DSE: variants seen among roughly 807,000 people sequenced by gnomAD.
DSE encodes the protein dermatan sulfate epimerase, also known as dermatan-sulfate epimerase.
DSE carries 36 observed loss-of-function variants against 84.4 expected under a neutral mutation model. That is an observed-to-expected ratio of 0.43 (90% CI 0.33 to 0.56). The LOEUF (loss-of-function observed/expected upper bound fraction) is 0.56. DSE is among the 20% of genes least tolerant of loss of function. The probability of loss-of-function intolerance (pLI) is 0.06; values close to 1 mark genes in which losing one functional copy is unlikely to be tolerated. For synonymous variants in DSE, 410 were observed against 430.1 expected (o/e 0.95, Z 0.58); for missense variants, 862 against 1,169.6 (o/e 0.74, Z 3.84).
In DSE at chr6:116,441,795, CAGTTG is replaced by C. The variant is rs1784435017; in HGVS notation, c.*4455_*4459del. ...TAAATGGAAGTCCCACAGCACTTTTCAGTTGAGTTAACAAATAACGAATGACAATA... is the reference window on the plus strand; with the variant it reads ...TAAATGGAAGTCCCACAGCACTTTTCAGTTAACAAATAACGAATGACAATA... On this transcript the variant is annotated 3_prime_UTR_variant, in exon 6 of 6. Transcript: ENST00000644252. The C allele has an allele frequency of 6.6e-6, 1 of 152,200 alleles. No individual in the cohort carries two copies. Among genetic ancestry groups the C allele is most frequent in the Non-Finnish European group, 1.5e-5 (1 of 68,036 alleles). The allele number at this position is 152,200 out of a possible 1,614,324, so 9.4% of individuals were successfully genotyped here.
intron 2 of DSE, among the ~76,000 whole-genome samples, chr6:116,304,962 T>A (rs956677908): frequency 6.6e-6 from 1 of 152,178 alleles, no homozygotes; most frequent in Non-Finnish European, 1.5e-5. Context: ...ATCCTAGATA[T>A]CTCACTTGAG....
chr6:116,398,150 C>T (rs984971995), intron 1 of DSE, among the ~76,000 whole-genome samples: 1 of 152,174 alleles, frequency 6.6e-6, no homozygotes, highest in Non-Finnish European at 1.5e-5. Context: ...AACCTTTCCC[C>T]TCTTAAGAAT....
chr6:116,367,499 T>C (rs1779232272), upstream of DSE, among the ~76,000 whole-genome samples: 1 of 152,226 alleles, frequency 6.6e-6, no homozygotes, highest in South Asian at 2.1e-4. Flanking sequence ...AGCCCTGTAA[T>C]ATTGTTACTC....
chr6:116,426,536 C>A, intron 2 of DSE, 38 bp from the exon 3 acceptor site: 1 of 1,598,016 alleles, frequency 6.3e-7, no homozygotes, highest in South Asian at 1.1e-5. Context: ...AGCTGTGAGT[C>A]TGATGAACTC....
chr6:116,337,369 T>C (rs1356396538), intron 2 of DSE, among the ~76,000 whole-genome samples: 1 of 152,236 alleles, frequency 6.6e-6, no homozygotes, highest in Non-Finnish European at 1.5e-5. Context: ...CCCAGCACTT[T>C]GGGAGGCCGA....
At chr6:116,279,245 GCTGCTCCTCTACCTCCAT>G in intron 2 of DSE, 1 of 1,608,576 alleles carries the variant, frequency 6.2e-7, no homozygotes, top group Non-Finnish European at 8.5e-7. Flanking sequence ...CCTTCTGGCG[GCTGCTCCTCTACCTCCAT>G]CTGCTCCTCC....
chr6:116,256,859 A>C (rs531775242), intron 1 of DSE: 3 of 152,344 alleles, frequency 2.0e-5, no homozygotes, highest in African/African-American at 7.2e-5. Flanking sequence ...TACACAGTAA[A>C]GTCTATTCTA....
At chr6:116,354,388 A>G (rs1276469792) in intron 2 of DSE, among the ~76,000 whole-genome samples, 3 of 152,196 alleles carry the variant, frequency 2.0e-5, no homozygotes, top group Non-Finnish European at 4.4e-5. Context: ...TTTCTGGTAT[A>G]AGAAACAGAG....
At chr6:116,374,359 G>A (rs1779792248) in intron 1 of DSE, among the ~76,000 whole-genome samples, 1 of 152,160 alleles carries the variant, frequency 6.6e-6, no homozygotes, top group Admixed American at 6.6e-5. Flanking sequence ...GGCCTTTGAG[G>A]AGAGCCAGAA....
At chr6:116,340,128 G>A (rs1019935761) in intron 2 of DSE, among the ~76,000 whole-genome samples, 1 of 152,192 alleles carries the variant, frequency 6.6e-6, no homozygotes, top group Admixed American at 6.5e-5. Flanking sequence ...AGGTTTATCT[G>A]CTTGTGGTTT....
intron 2 of DSE, among the ~76,000 whole-genome samples, chr6:116,349,524 A>T (rs950635186): frequency 6.6e-6 from 1 of 152,186 alleles, no homozygotes; most frequent in African/African-American, 2.4e-5. Context: ...ACAGCCAGAG[A>T]AGTATTCTCC....
intron 5 of DSE, among the ~76,000 whole-genome samples, chr6:116,433,769 C>A (rs1460564457): frequency 6.6e-6 from 1 of 152,068 alleles, no homozygotes; most frequent in African/African-American, 2.4e-5. Flanking sequence ...CTTTTAGATA[C>A]AGGGGTACAT....
chr6:116,313,470 T>G (rs1439851804), intron 2 of DSE, among the ~76,000 whole-genome samples: 1 of 152,234 alleles, frequency 6.6e-6, no homozygotes, highest in Non-Finnish European at 1.5e-5. Context: ...GTAAATTTGA[T>G]TAGAACTTTG....
rs146670624 is a variant in DSE at position 116,309,657 on chromosome 6, C to T, written c.-54+50690C>T. On this transcript the variant is annotated intron_variant, in intron 2 of 3. Transcript: ENST00000430252. Reference sequence around the variant, plus strand: ...CTAACAGTTCTGAAGGCTGGGAAGTCCAAGATCAAGGCACTAGCAGGTTGA... The same window carrying T: ...CTAACAGTTCTGAAGGCTGGGAAGTTCAAGATCAAGGCACTAGCAGGTTGA... Among the ~76,000 whole-genome samples the T allele has an allele frequency of 3.7e-3, 558 of 152,282 alleles. 4 individuals carry two copies. Among genetic ancestry groups the T allele is most frequent in the Middle Eastern group, 0.01 (3 of 294 alleles).
chr6:116,309,629 T>C (rs1775556490), intron 2 of DSE, among the ~76,000 whole-genome samples: 1 of 152,246 alleles, frequency 6.6e-6, no homozygotes, highest in Non-Finnish European at 1.5e-5. Flanking sequence ...CAGATACTTA[T>C]TTCTAACAGT....
At chr6:116,258,304 C>A in intron 1 of DSE, 1 of 446,904 alleles carries the variant, frequency 2.2e-6, no homozygotes, top group Non-Finnish European at 4.1e-6. Context: ...GTGTGAGCCA[C>A]CGGACCTGGC....
intron 5 of DSE, among the ~76,000 whole-genome samples, chr6:116,435,299 A>G (rs899776743): frequency 6.6e-5 from 10 of 152,330 alleles, no homozygotes; most frequent in Admixed American, 1.3e-4. Flanking sequence ...TTGAATGGTC[A>G]CTCTGACATC....
At chr6:116,432,396 G>A (rs1017120305) in intron 4 of DSE, 6 of 152,114 alleles carry the variant, frequency 3.9e-5, no homozygotes, top group African/African-American at 1.4e-4. Context: ...GTAGTAGGCA[G>A]AGGATTCAAA....
At chr6:116,292,956 A>G (rs1261395205) in intron 2 of DSE, among the ~76,000 whole-genome samples, 1 of 152,214 alleles carries the variant, frequency 6.6e-6, no homozygotes, top group African/African-American at 2.4e-5. Flanking sequence ...AACAGTGGTG[A>G]TCTCTGGGGG....
Sources: gnomAD v4.1 joint callset for allele counts (sites outside exome capture counted in the v4.1 genomes callset) on GRCh38, gnomAD v4.1.1 for gene constraint, MANE v1.5 for transcripts, NCBI Gene and HGNC (gene_info 2026-07-23, HGNC 2026-07-21) for gene names.